MAD1L1: variants seen among roughly 807,000 people sequenced by gnomAD.
The protein encoded by MAD1L1 is mitotic spindle assembly checkpoint protein MAD1.
Under a neutral mutation model 96.9 loss-of-function variants are expected in MAD1L1, and 95 were observed. The observed-to-expected ratio is 0.98, with a 90% CI of 0.83 to 1.16. MAD1L1 has a LOEUF of 1.16. Among genes scored for constraint, MAD1L1 ranks in the 50% most tolerant of loss-of-function variants. The probability of loss-of-function intolerance (pLI) is 0.00; values close to 1 mark genes in which losing one functional copy is unlikely to be tolerated. For missense variants in MAD1L1, 1,007 were observed against 954.4 expected (o/e 1.06, Z -0.73); for synonymous variants, 473 against 396.6 (o/e 1.19, Z -2.29).
At chr7:2,022,564 A>C (rs889918951) in intron 12 of MAD1L1, among the ~76,000 whole-genome samples, 10 of 152,076 alleles carry the variant, frequency 6.6e-5, no homozygotes, top group Non-Finnish European at 1.3e-4. Flanking sequence ...AAAGAAAAAA[A>C]AAATTCTGTG....
chr7:2,168,891 G>T (rs1237306364), intron 10 of MAD1L1, among the ~76,000 whole-genome samples: 1 of 152,234 alleles, frequency 6.6e-6, no homozygotes, highest in Non-Finnish European at 1.5e-5. Context: ...TGTGGCTGAA[G>T]CGGGAGGAAC....
chr7:2,175,283 T>C (rs1790893706), intron 10 of MAD1L1: 1 of 152,262 alleles, frequency 6.6e-6, no homozygotes, highest in African/African-American at 2.4e-5. Context: ...TGTCCTCGTG[T>C]GGCCACTCTG....
chr7:2,198,785 C>A (rs1199913274), intron 10 of MAD1L1, among the ~76,000 whole-genome samples: 1 of 152,210 alleles, frequency 6.6e-6, no homozygotes, highest in Non-Finnish European at 1.5e-5. Flanking sequence ...AAGCAGGTGC[C>A]CATGTACAGT....
chr7:1,904,186 T>C (rs1288967401), intron 17 of MAD1L1, among the ~76,000 whole-genome samples: 1 of 148,548 alleles, frequency 6.7e-6, no homozygotes, highest in African/African-American at 2.6e-5. Flanking sequence ...TCATGATTAA[T>C]GAAGCACTGT....
chr7:1,950,970 G>A (rs936340757), intron 16 of MAD1L1, among the ~76,000 whole-genome samples: 2 of 152,262 alleles, frequency 1.3e-5, no homozygotes, highest in Non-Finnish European at 1.5e-5. Flanking sequence ...CCCTGGGCAC[G>A]AAGCCCATGC....
intron 16 of MAD1L1, among the ~76,000 whole-genome samples, chr7:1,939,566 G>A (rs1040571565): frequency 6.0e-5 from 9 of 149,840 alleles, no homozygotes; most frequent in Admixed American, 3.3e-4. Flanking sequence ...ACATGACCCA[G>A]CAAGCCAGGC....
At chr7:2,222,481 G>C (rs1471843087) in intron 5 of MAD1L1, 94 bp downstream of exon 5, 2 of 1,161,018 alleles carry the variant, frequency 1.7e-6, no homozygotes, top group African/African-American at 3.1e-5. Context: ...GGAAGCACAA[G>C]TGAAAACACA....
At chr7:1,880,305 C>G (rs1382764704) in intron 18 of MAD1L1, among the ~76,000 whole-genome samples, 1 of 152,176 alleles carries the variant, frequency 6.6e-6, no homozygotes, top group East Asian at 1.9e-4. Context: ...GGGCCACAGA[C>G]AGCTTTGGGA....
At chr7:2,102,516 C>T (rs1786860849) in intron 11 of MAD1L1, among the ~76,000 whole-genome samples, 1 of 151,282 alleles carries the variant, frequency 6.6e-6, no homozygotes, top group Admixed American at 6.6e-5. Flanking sequence ...ACCATCACCA[C>T]CATTCTCACG....
intron 11 of MAD1L1, among the ~76,000 whole-genome samples, chr7:2,109,878 G>A (rs1188450652): frequency 6.6e-6 from 1 of 152,200 alleles, no homozygotes; most frequent in East Asian, 1.9e-4. Flanking sequence ...ATCCGTTTGG[G>A]TACTTTCTGA....
At chr7:2,231,124 C>A (rs1246127728) in intron 1 of MAD1L1, among the ~76,000 whole-genome samples, 2 of 152,070 alleles carry the variant, frequency 1.3e-5, no homozygotes, top group Non-Finnish European at 2.9e-5. Context: ...CATGGCAAAA[C>A]CCCACCTCTA....
intron 11 of MAD1L1, among the ~76,000 whole-genome samples, chr7:2,120,640 GCT>G (rs761911831): frequency 3.3e-4 from 50 of 152,226 alleles, no homozygotes; most frequent in African/African-American, 1.0e-3. Context: ...GTCTTCTGTT[GCT>G]CTGTTTCCCC....
chr7:1,888,314 A>ATG (rs142592855), intron 18 of MAD1L1, among the ~76,000 whole-genome samples: 13 of 82,598 alleles, frequency 1.6e-4, no homozygotes, highest in East Asian at 9.2e-4. Flanking sequence ...GTGACTGCCT[A>ATG]TGTGTGTGTG....
chr7:2,225,002 G>A (rs1193019032), intron 4 of MAD1L1, among the ~76,000 whole-genome samples: 1 of 152,206 alleles, frequency 6.6e-6, no homozygotes, highest in East Asian at 1.9e-4. Context: ...AGAGGGAAGA[G>A]GAAACCAGGA....
intron 17 of MAD1L1, among the ~76,000 whole-genome samples, chr7:1,900,106 G>T (rs892321560): frequency 6.6e-6 from 1 of 152,156 alleles, no homozygotes; most frequent in Non-Finnish European, 1.5e-5. Flanking sequence ...CCGATGGCGT[G>T]AGCTCAGTCG....
At position 2,029,296 on chromosome 7, in the gene MAD1L1, G is replaced by A. The variant is rs1210287053; in HGVS notation, c.1219-14654C>T. ...CATAAGATAGAAATGAAATAACACA[G>A]CAACAGAAACCAAACACGAAAGATT... On this transcript the variant is annotated intron_variant, in intron 12 of 18. Transcript: ENST00000265854. 3.3e-5 allele frequency among the ~76,000 whole-genome samples: 5 copies of A among 152,140 alleles called. No individual in the cohort carries two copies. In the East Asian group the frequency reaches 7.7e-4, roughly 23 times the overall value.
intron 11 of MAD1L1, among the ~76,000 whole-genome samples, chr7:2,128,108 C>T (rs1342502203): frequency 1.3e-5 from 2 of 152,322 alleles, no homozygotes; most frequent in East Asian, 3.9e-4. Context: ...GGCCTCATCC[C>T]CTGTTGAGGA....
chr7:2,125,215 G>A (rs895569947), intron 11 of MAD1L1, among the ~76,000 whole-genome samples: 4 of 152,150 alleles, frequency 2.6e-5, no homozygotes, highest in African/African-American at 9.7e-5. Context: ...CTGTTGCCAG[G>A]TGCACTCCAG....
intron 11 of MAD1L1, among the ~76,000 whole-genome samples, chr7:2,094,863 G>C (rs117745196): frequency 2.0e-5 from 3 of 152,160 alleles, no homozygotes; most frequent in Non-Finnish European, 4.4e-5. Context: ...AACAGGAAGT[G>C]GGGGGGCAGG....
Sources: allele counts gnomAD v4.1 joint callset (sites outside exome capture counted in the v4.1 genomes callset), GRCh38; gene constraint gnomAD v4.1.1; transcripts MANE v1.5; gene names NCBI Gene and HGNC (gene_info 2026-07-23, HGNC 2026-07-21).